The following KTN1 variants were observed in gnomAD, a reference collection of about 807,000 sequenced individuals.
The protein encoded by KTN1 is kinectin 1.
Under a neutral mutation model 222.5 loss-of-function variants are expected in KTN1, and 130 were observed. That is an observed-to-expected ratio of 0.58 (90% CI 0.51 to 0.68). The LOEUF (loss-of-function observed/expected upper bound fraction) is 0.68. Among genes scored for constraint, KTN1 ranks in the 30% least tolerant of loss-of-function variants. The pLI is 0.00. For synonymous variants in KTN1, 512 were observed against 496.3 expected (o/e 1.03, Z -0.42); for missense variants, 1,508 against 1,500.4 (o/e 1.01, Z -0.08).
chr14:55,604,007 T>C (rs2036366677), intron 1 of KTN1, among the ~76,000 whole-genome samples: 1 of 152,190 alleles, frequency 6.6e-6, no homozygotes, highest in Non-Finnish European at 1.5e-5. Context: ...TTATTTCAGT[T>C]GTCACCTAAC....
intron 9 of KTN1, among the ~76,000 whole-genome samples, chr14:55,636,130 G>A (rs564495952): frequency 6.6e-6 from 1 of 152,276 alleles, no homozygotes; most frequent in Admixed American, 6.5e-5. Context: ...GAAGGTTAGT[G>A]GGAAACAGGT....
intron 12 of KTN1, among the ~76,000 whole-genome samples, chr14:55,638,919 C>A (rs1444680103): frequency 2.0e-5 from 3 of 151,706 alleles, no homozygotes; most frequent in African/African-American, 4.8e-5. Context: ...TCATTTGTTG[C>A]TTGTCAATTA....
chr14:55,648,765 A>C, intron 20 of KTN1, 37 bp from the exon 21 acceptor site: 1 of 1,336,444 alleles, frequency 7.5e-7, no homozygotes, highest in Non-Finnish European at 1.1e-6. Context: ...TTTTTCAGAG[A>C]GTAAAATCAT....
intron 41 of KTN1, among the ~76,000 whole-genome samples, 187 bp from the exon 42 acceptor site, chr14:55,678,165 T>A (rs1207615128): frequency 6.6e-6 from 1 of 152,228 alleles, no homozygotes; most frequent in Non-Finnish European, 1.5e-5. Flanking sequence ...TTACTTAAGC[T>A]TTTAAAAACA....
intron 34 of KTN1, 48 bp from the exon 35 acceptor site, chr14:55,670,681 T>A (rs753800183): frequency 8.5e-6 from 10 of 1,173,794 alleles, no homozygotes; most frequent in Admixed American, 6.7e-5. Context: ...TTTATTTGGA[T>A]TTTTTTTTTC....
intron 2 of KTN1, 41 bp downstream of exon 2, chr14:55,612,612 T>C: frequency 1.3e-6 from 2 of 1,490,860 alleles, no homozygotes; most frequent in Non-Finnish European, 1.8e-6. Flanking sequence ...TATTGTATGA[T>C]TTGGAGCTTG....
At chr14:55,623,923 AT>A (rs2039474149) in intron 5 of KTN1, among the ~76,000 whole-genome samples, 1 of 152,154 alleles carries the variant, frequency 6.6e-6, no homozygotes, top group African/African-American at 2.4e-5. Flanking sequence ...TAATCATTTT[AT>A]TGTCTGAGAC....
chr14:55,626,155 A>G (rs1282952720), intron 5 of KTN1, among the ~76,000 whole-genome samples: 2 of 152,126 alleles, frequency 1.3e-5, no homozygotes, highest in Admixed American at 1.3e-4. Context: ...GAGATCAGTT[A>G]AATACATATG....
At chr14:55,628,396 A>G (rs1441497329) in intron 6 of KTN1, among the ~76,000 whole-genome samples, 1 of 152,222 alleles carries the variant, frequency 6.6e-6, no homozygotes, top group East Asian at 1.9e-4. Context: ...AACTCTTAAC[A>G]TAGGTAATTT....
chr14:55,637,333 A>G lies in KTN1; in HGVS notation c.1685A>G (p.Asn562Ser). The G allele has an allele frequency of 1.2e-6, 2 of 1,600,378 alleles. No homozygotes were observed. Among genetic ancestry groups the G allele is most frequent in the African/African-American group, 1.3e-5 (1 of 74,302 alleles). ...QLMESEQKRV[N>S]KEESLQMQVQ... ...ATGGAATCAGAGCAGAAAAGGGTGAACAAAGAAGAGTCTCTACAAATGCAG... is the reference window on the plus strand; with the variant it reads ...ATGGAATCAGAGCAGAAAAGGGTGAGCAAAGAAGAGTCTCTACAAATGCAG... The change falls in exon 11 of 44, where the codon AAC (asparagine) becomes AGC (serine). Residue 562 changes from asparagine to serine, a missense_variant. By Grantham distance (46) the Asn-to-Ser change is conservative. Coordinates refer to ENST00000395314, the MANE Select transcript of KTN1 (RefSeq NM_001079521.2).
chr14:55,585,155 AAT>A (rs1210094803), intron 1 of KTN1, among the ~76,000 whole-genome samples: 6 of 150,810 alleles, frequency 4.0e-5, no homozygotes, highest in South Asian at 2.1e-4. Context: ...AAAAAAAAAA[AAT>A]CTCACATTCC....
At chr14:55,665,420 G>A (rs2044614018) in intron 33 of KTN1, among the ~76,000 whole-genome samples, 1 of 151,858 alleles carries the variant, frequency 6.6e-6, no homozygotes, top group Non-Finnish European at 1.5e-5. Context: ...TGTGCATAAT[G>A]CCTTCTTGCA....
In KTN1 at chr14:55,636,537, G is replaced by A. The variant is rs2041141357; in HGVS notation, c.1549+1G>A. Reference sequence around the variant, plus strand: ...GCGGAACATGAGGCAGCACAGCAAGGTAAGGGGAAGAAGTATTCATGTAAA... The same window carrying A: ...GCGGAACATGAGGCAGCACAGCAAGATAAGGGGAAGAAGTATTCATGTAAA... On this transcript the variant is annotated splice_donor_variant, in intron 10 of 43. Transcript: ENST00000395314. LOFTEE classifies it high-confidence loss of function. 1 of 1,602,182 alleles carries A rather than the reference G, an allele frequency of 6.2e-7. No individual in the cohort carries two copies. The highest frequency in any genetic ancestry group is 8.5e-7 in the Non-Finnish European group (1 of 1,172,458).
In KTN1 at chr14:55,655,620, C is replaced by T. The variant is rs531792988; in HGVS notation, c.2802-422C>T. ...CTTGGGCTAGATAGAGTAAGATTTA[C>T]GTCAGCATTGGGTAAGGGAAAAACA... On this transcript the variant is annotated intron_variant, in intron 28 of 43. Transcript: ENST00000395314. 2.6e-5 allele frequency among the ~76,000 whole-genome samples: 4 copies of T among 152,224 alleles called. No homozygotes were observed. In the South Asian group the frequency reaches 6.2e-4, roughly 24 times the overall value.
In KTN1 at chr14:55,646,391, GTCTT is replaced by G. The variant is rs142199037; in HGVS notation, c.2173-569_2173-566del. Among the ~76,000 whole-genome samples, 40 of 151,290 alleles carry G rather than the reference GTCTT, an allele frequency of 2.6e-4. 1 individual carries two copies. Among genetic ancestry groups the G allele is most frequent in the South Asian group, 1.0e-3 (5 of 4,782 alleles). On this transcript the variant is annotated intron_variant, in intron 18 of 43. Coordinates refer to ENST00000395314, the MANE Select transcript of KTN1 (RefSeq NM_001079521.2). Reference sequence around the variant, plus strand: ...CAATTAAAAGAGCCCATGTTTGTCTGTCTTTCTTTCTTTCTTCCTTTTTTTCCTT... The same window carrying G: ...CAATTAAAAGAGCCCATGTTTGTCTGTCTTTCTTTCTTCCTTTTTTTCCTT...
In KTN1 at chr14:55,612,459, G is replaced by T. The variant is rs750597148; in HGVS notation, c.411G>T (p.Lys137Asn). The T allele has an allele frequency of 3.1e-6, 5 of 1,614,042 alleles. No homozygotes were observed. In the Admixed American group the frequency reaches 5.0e-5, roughly 16 times the overall value. ...EQVIKESDAS[K>N]IPGKKVEPVP... ...TCATCAAAGAAAGTGACGCATCAAA[G>T]ATTCCTGGCAAAAAAGTAGAACCTG... Residue 137 changes from lysine (K) to asparagine (N), a missense_variant, in exon 2 of 44, where the codon AAG (lysine) becomes AAT (asparagine). Coordinates refer to ENST00000395314, the MANE Select transcript of KTN1 (RefSeq NM_001079521.2).
At chr14:55,666,166 C>T (rs2044715283) in intron 33 of KTN1, among the ~76,000 whole-genome samples, 1 of 151,910 alleles carries the variant, frequency 6.6e-6, no homozygotes, top group African/African-American at 2.4e-5. Context: ...TGATCTTTAA[C>T]AGCTTTTTGT....
Position 55,662,358 on chromosome 14 carries a change from C to T in KTN1, c.3090+746C>T, listed in dbSNP as rs114879209. On this transcript the variant is annotated intron_variant, in intron 32 of 43. Coordinates refer to ENST00000395314, the MANE Select transcript of KTN1 (RefSeq NM_001079521.2). ...GTGCTGGGATTATAGGTGTGAGCCA[C>T]GGCACCTGGCCAGAACCTCCCATTT... 6.2e-3 allele frequency among the ~76,000 whole-genome samples: 948 copies of T among 152,216 alleles called. 8 individuals are homozygous for T. The highest frequency in any genetic ancestry group is 0.023 in the South Asian group (110 of 4,814).
chr14:55,661,939 A>G (rs2044190941), intron 32 of KTN1: 1 of 173,214 alleles, frequency 5.8e-6, no homozygotes, highest in South Asian at 1.8e-4. Flanking sequence ...TCAGCTTGGT[A>G]TTTTAAAATC....
Sources: allele counts gnomAD v4.1 joint callset (sites outside exome capture counted in the v4.1 genomes callset), GRCh38; gene constraint gnomAD v4.1.1; transcripts MANE v1.5; gene names NCBI Gene and HGNC (gene_info 2026-07-23, HGNC 2026-07-21).